ITGA6: variants seen among roughly 807,000 people sequenced by gnomAD.
The protein encoded by ITGA6 is integrin alpha-6.
ITGA6 carries 63 observed loss-of-function variants against 133.6 expected under a neutral mutation model. The ratio of observed to expected loss-of-function variants is 0.47; its 90% CI spans 0.38 to 0.58. The LOEUF (loss-of-function observed/expected upper bound fraction) is 0.58. ITGA6 is among the 20% of genes least tolerant of loss of function. ITGA6 has a pLI of 0.00. For missense variants in ITGA6, 1,068 were observed against 1,309.4 expected (o/e 0.82, Z 2.85); for synonymous variants, 434 against 482.0 (o/e 0.90, Z 1.30).
At chr2:172,481,427 A>G (rs945092856) in intron 11 of ITGA6, among the ~76,000 whole-genome samples, 4 of 152,226 alleles carry the variant, frequency 2.6e-5, no homozygotes, top group Non-Finnish European at 1.5e-5. Context: ...GAAGTTTTAT[A>G]TAACACTAAT....
intron 20 of ITGA6, 76 bp downstream of exon 20, chr2:172,489,734 T>C (rs1686842754): frequency 4.6e-6 from 6 of 1,302,324 alleles, no homozygotes; most frequent in Admixed American, 1.9e-5. Flanking sequence ...AAATCATTAC[T>C]GTTCTTAGGA....
At position 172,489,488 on chromosome 2, in the gene ITGA6, A is replaced by G. The variant is rs751405038; in HGVS notation, c.2509A>G (p.Ile837Val). The G allele has an allele frequency of 3.1e-6, 5 of 1,610,744 alleles. No homozygotes were observed. The Admixed American group carries it at 6.7e-5, about 21-fold the overall frequency. ...AATATGTATTATTTTCTAACAGGTA[A>G]TAAACTTAGGTAAACCTCTTACAAA... ...GSLIEYEFRV[I>V]NLGKPLTNLG... Residue 837 changes from isoleucine (I) to valine (V), a missense_variant, in exon 20 of 26, where the codon ATA (isoleucine) becomes GTA (valine). Transcript: ENST00000684293.
chr2:172,464,953 AAAAG>A (rs1184176755), intron 1 of ITGA6, among the ~76,000 whole-genome samples: 1 of 152,188 alleles, frequency 6.6e-6, no homozygotes, highest in Non-Finnish European at 1.5e-5. Flanking sequence ...GGAAAAAAAA[AAAAG>A]AATTGGAAAG....
At chr2:172,454,093 T>G (rs1685116216) in intron 1 of ITGA6, among the ~76,000 whole-genome samples, 1 of 54,756 alleles carries the variant, frequency 1.8e-5, no homozygotes, top group Non-Finnish European at 3.1e-5. Context: ...TTTGTTTTGT[T>G]TTTTTTTTTT....
At position 172,481,177 on chromosome 2, in the gene ITGA6, G is replaced by A. The variant is rs375254848; in HGVS notation, c.1549+1126G>A. Among the ~76,000 whole-genome samples the A allele has an allele frequency of 1.1e-4, 17 of 152,264 alleles. No individual in the cohort carries two copies. The East Asian group carries it at 2.5e-3, about 22-fold the overall frequency. ...CTTTCATATGGTTGTCAGCCTTTACGATACTATGAGGTAATGAGTCCTCTG... is the reference window on the plus strand; with the variant it reads ...CTTTCATATGGTTGTCAGCCTTTACAATACTATGAGGTAATGAGTCCTCTG... On this transcript the variant is annotated intron_variant, in intron 11 of 25. Transcript: ENST00000684293.
At chr2:172,471,583 A>G (rs1040270840) in intron 5 of ITGA6, among the ~76,000 whole-genome samples, 1 of 152,232 alleles carries the variant, frequency 6.6e-6, no homozygotes, top group Non-Finnish European at 1.5e-5. Flanking sequence ...TTCTCCAAGG[A>G]TTAGCCCTGC....
At chr2:172,466,693 A>G (rs572679958) in intron 2 of ITGA6, among the ~76,000 whole-genome samples, 3 of 152,380 alleles carry the variant, frequency 2.0e-5, no homozygotes, top group African/African-American at 7.2e-5. Context: ...TAAAATACAC[A>G]GACCTATGAA....
chr2:172,430,880 C>G (rs1262222453), intron 1 of ITGA6, among the ~76,000 whole-genome samples: 1 of 152,126 alleles, frequency 6.6e-6, no homozygotes, highest in Non-Finnish European at 1.5e-5. Context: ...TTGAGTCATT[C>G]CCAGAGGTGG....
chr2:172,440,058 G>T (rs1165532998), intron 1 of ITGA6, among the ~76,000 whole-genome samples: 1 of 152,132 alleles, frequency 6.6e-6, no homozygotes, highest in East Asian at 1.9e-4. Context: ...GAATTCTTCA[G>T]GTCAACATTG....
intron 23 of ITGA6, among the ~76,000 whole-genome samples, chr2:172,496,496 G>A (rs992997698): frequency 6.6e-6 from 1 of 152,208 alleles, no homozygotes; most frequent in Non-Finnish European, 1.5e-5. Flanking sequence ...GGAAAGGGAA[G>A]TACTTTGATG....
Position 172,457,460 on chromosome 2 carries a change from T to C in ITGA6, c.183-8079T>C, listed in dbSNP as rs183399029. ...GGCATTGCTCTCTGATGAAGTAATA[T>C]CAAAGAAACATACAGAGTTTGATTA... On this transcript the variant is annotated intron_variant, in intron 1 of 25. Transcript: ENST00000684293. Among the ~76,000 whole-genome samples, 64 of 152,286 alleles carry C rather than the reference T, an allele frequency of 4.2e-4. No homozygotes were observed. The East Asian group carries it at 9.1e-3, about 22-fold the overall frequency.
intron 10 of ITGA6, 107 bp downstream of exon 10, chr2:172,479,846 C>A: frequency 8.6e-7 from 1 of 1,168,774 alleles, no homozygotes; most frequent in Non-Finnish European, 1.3e-6. Context: ...GAGTGCTGGG[C>A]AAAGGGAAGA....
chr2:172,443,463 G>A (rs1229895323), intron 1 of ITGA6, among the ~76,000 whole-genome samples: 3 of 152,098 alleles, frequency 2.0e-5, no homozygotes, highest in Admixed American at 6.6e-5. Context: ...TGGCCTGGCC[G>A]GCGTTGTTGT....
Position 172,427,644 on chromosome 2 carries a change from G to A in ITGA6, c.-145G>A. Reference sequence around the variant, plus strand: ...GAGGGGGAGCGGCCGGACGGAGAGCGCGACCCGTCCCGGGGGTGGGGCCGG... The same window carrying A: ...GAGGGGGAGCGGCCGGACGGAGAGCACGACCCGTCCCGGGGGTGGGGCCGG... On this transcript the variant is annotated 5_prime_UTR_variant, in exon 1 of 26. Coordinates refer to ENST00000684293, the MANE Select transcript of ITGA6 (RefSeq NM_000210.4). 2.3e-6 allele frequency: 3 copies of A among 1,299,124 alleles called. No individual in the cohort carries two copies. Among genetic ancestry groups the A allele is most frequent in the Non-Finnish European group, 2.9e-6 (3 of 1,026,588 alleles). The allele number at this position is 1,299,124 out of a possible 1,614,324, so 80.5% of individuals were successfully genotyped here.
chr2:172,483,035 C>A (rs1188769832), intron 11 of ITGA6, among the ~76,000 whole-genome samples: 1 of 152,118 alleles, frequency 6.6e-6, no homozygotes, highest in Non-Finnish European at 1.5e-5. Flanking sequence ...GGGAGACAAT[C>A]AGGAAATCAC....
chr2:172,471,654 G>A (rs1242435275), intron 5 of ITGA6, among the ~76,000 whole-genome samples: 1 of 152,214 alleles, frequency 6.6e-6, no homozygotes. Context: ...CCCAGCGGAG[G>A]TTGAGCAGGA....
At chr2:172,442,384 A>T (rs1684581950) in intron 1 of ITGA6, among the ~76,000 whole-genome samples, 2 of 152,160 alleles carry the variant, frequency 1.3e-5, no homozygotes, top group African/African-American at 4.8e-5. Flanking sequence ...CAGTCTGAAT[A>T]TTGGGACTCC....
intron 25 of ITGA6, chr2:172,503,762 TATC>T (rs1279381620): frequency 1.2e-5 from 2 of 169,858 alleles, no homozygotes; most frequent in South Asian, 2.0e-4. Flanking sequence ...ATATTTTACA[TATC>T]ATATTGTGAT....
Position 172,488,228 on chromosome 2 carries a change from G to T in ITGA6, c.2505G>T (p.Arg835Ser). ...GAAGTTTAATAGAGTATGAATTCAG[G>T]GTAAGTTGGAGCAGTTGGTCTTTTC... ...EVGSLIEYEF[R>S]VINLGKPLTN... The change falls in exon 19 of 26, where the codon AGG (arginine) becomes AGT (serine). Residue 835 changes from arginine to serine, a missense_variant and splice_region_variant. Arg to Ser is a moderately radical substitution (Grantham distance 110). Around this residue, in one of 3 missense-constraint regions of ITGA6, gnomAD observed 609 missense variants for 707.2 expected, o/e 0.86. Transcript: ENST00000684293. 6.2e-7 allele frequency: 1 copy of T among 1,606,186 alleles called. No individual in the cohort carries two copies. Among genetic ancestry groups the T allele is most frequent in the South Asian group, 1.1e-5 (1 of 90,882 alleles).
Sources: gnomAD v4.1 joint callset for allele counts (sites outside exome capture counted in the v4.1 genomes callset) on GRCh38, gnomAD v4.1.1 for gene constraint, gnomAD v4.1.1 regional missense constraint, MANE v1.5 for transcripts, NCBI Gene and HGNC (gene_info 2026-07-23, HGNC 2026-07-21) for gene names.